SPATA13: variants seen among roughly 807,000 people sequenced by gnomAD.
SPATA13 encodes spermatogenesis-associated protein 13.
SPATA13 carries 50 observed loss-of-function variants against 104.0 expected under a neutral mutation model. The ratio of observed to expected loss-of-function variants is 0.48; its 90% confidence interval spans 0.38 to 0.61. The LOEUF (loss-of-function observed/expected upper bound fraction) is 0.61. Among genes scored for constraint, SPATA13 ranks in the 20% least tolerant of loss-of-function variants. The probability of loss-of-function intolerance (pLI) is 0.00; values close to 1 mark genes in which losing one functional copy is unlikely to be tolerated. For missense variants in SPATA13, 1,524 were observed against 1,690.6 expected, an observed-to-expected ratio of 0.90 and a Z score of 1.73; for synonymous variants, 606 against 667.5, an observed-to-expected ratio of 0.91 and a Z score of 1.42.
intron 3 of SPATA13, among the ~76,000 whole-genome samples, chr13:24,038,192 C>T (rs542436060): frequency 3.3e-5 from 5 of 152,304 alleles, no homozygotes; most frequent in Non-Finnish European, 4.4e-5. Flanking sequence ...GGATTACAGG[C>T]ATGAGCCACC....
At chr13:24,293,013 A>AAG (rs1309047663) in intron 9 of SPATA13, among the ~76,000 whole-genome samples, 2 of 149,282 alleles carry the variant, frequency 1.3e-5, no homozygotes, top group East Asian at 3.9e-4. Context: ...AAAAAAAAAA[A>AAG]AAAAAAAAAG....
At chr13:24,005,788 C>T (rs1206892547) in intron 2 of SPATA13, among the ~76,000 whole-genome samples, 1 of 152,218 alleles carries the variant, frequency 6.6e-6, no homozygotes, top group East Asian at 1.9e-4. Flanking sequence ...ATCTGAGGCT[C>T]AGCAAGATGC....
At chr13:24,284,341 C>G in intron 5 of SPATA13, 70 bp downstream of exon 5, 1 of 1,499,606 alleles carries the variant, frequency 6.7e-7, no homozygotes, top group Non-Finnish European at 9.1e-7. Flanking sequence ...CCACTTCTGA[C>G]TTTGTTCCCT....
chr13:24,178,149 C>T (rs1001510597), intron 1 of SPATA13, among the ~76,000 whole-genome samples: 15 of 152,172 alleles, frequency 9.9e-5, no homozygotes, highest in African/African-American at 2.7e-4. Flanking sequence ...CCACCATACC[C>T]GGCTTGATTG....
chr13:24,251,926 C>T (rs1009156106), intron 4 of SPATA13, 64 bp downstream of exon 4: 28 of 1,547,374 alleles, frequency 1.8e-5, no homozygotes, highest in Admixed American at 1.5e-4. Flanking sequence ...TTCCAGCTAA[C>T]CTGAGGCAGC....
At chr13:24,167,473 A>C (rs1302627360) in intron 1 of SPATA13, among the ~76,000 whole-genome samples, 1 of 152,248 alleles carries the variant, frequency 6.6e-6, no homozygotes, top group Non-Finnish European at 1.5e-5. Context: ...CGGGGCCCAC[A>C]GGCCAGCCTC....
chr13:24,169,253 C>T (rs914727121), intron 1 of SPATA13, among the ~76,000 whole-genome samples: 9 of 152,104 alleles, frequency 5.9e-5, no homozygotes, highest in African/African-American at 1.9e-4. Flanking sequence ...TGATGGAACA[C>T]GAATGGTGTG....
intron 4 of SPATA13, among the ~76,000 whole-genome samples, chr13:24,278,314 G>A (rs1875169500): frequency 6.6e-6 from 1 of 152,124 alleles, no homozygotes; most frequent in Admixed American, 6.5e-5. Context: ...CTGCAAGTGG[G>A]GACAACTGAC....
At chr13:24,113,859 A>T (rs60365334) in intron 3 of SPATA13, among the ~76,000 whole-genome samples, 8,081 of 137,926 alleles carry the variant, frequency 0.059, 837 homozygotes, top group African/African-American at 0.21. Flanking sequence ...ACAGAGTGAG[A>T]CTCGATCTCA....
Position 24,001,318 on chromosome 13 carries a change from G to A in SPATA13, c.-146-16349G>A, listed in dbSNP as rs191051104. ...GACGCCTCTGCGCTAAGGTCAGGAT[G>A]CCGGGGATAATGTGTCTCGTGGGAA... On this transcript the variant is annotated intron_variant, in intron 2 of 14. Transcript: ENST00000424834. Among the ~76,000 whole-genome samples, 291 of 152,304 alleles carry A rather than the reference G, an allele frequency of 1.9e-3. 3 individuals are homozygous for A. Among genetic ancestry groups the A allele is most frequent in the African/African-American group, 6.5e-3 (270 of 41,560 alleles).
In SPATA13 at chr13:24,302,855, G is replaced by A. The variant is rs768137760; in HGVS notation, c.*82G>A. ...TCTTGTGTGCTTCAATCCAGGGAAA[G>A]TTTCTTGGACCCAGTGATAAAAACT... On this transcript the variant is annotated 3_prime_UTR_variant, in exon 13 of 13. Coordinates refer to ENST00000382108, the MANE Select transcript of SPATA13 (RefSeq NM_001166271.3). 10 of 1,578,898 alleles carry A rather than the reference G, an allele frequency of 6.3e-6. No individual in the cohort carries two copies. The highest frequency in any genetic ancestry group is 1.7e-5 in the Admixed American group (1 of 59,424).
intron 3 of SPATA13, among the ~76,000 whole-genome samples, chr13:24,071,922 T>C (rs1879175522): frequency 6.6e-6 from 1 of 152,198 alleles, no homozygotes; most frequent in Non-Finnish European, 1.5e-5. Flanking sequence ...CAGCTAGAGC[T>C]CTTAAGAATT....
chr13:23,993,986 C>T (rs73162125), intron 2 of SPATA13, among the ~76,000 whole-genome samples: 11,804 of 121,490 alleles, frequency 0.097, 546 homozygotes, highest in Middle Eastern at 0.17. Flanking sequence ...TTTTTTTTTT[C>T]TTTTTTTTTT....
chr13:24,193,807 T>A (rs1869902330), intron 1 of SPATA13, among the ~76,000 whole-genome samples: 1 of 152,202 alleles, frequency 6.6e-6, no homozygotes, highest in South Asian at 2.1e-4. Flanking sequence ...GTTGGCTGAA[T>A]CCTGCTACAT....
chr13:24,284,819 C>G (rs533588348), intron 5 of SPATA13, among the ~76,000 whole-genome samples: 1 of 152,202 alleles, frequency 6.6e-6, no homozygotes, highest in South Asian at 2.1e-4. Flanking sequence ...TAAAGAATAC[C>G]CTCCCCTCCA....
chr13:24,299,036 G>A (rs1876993314), intron 11 of SPATA13, among the ~76,000 whole-genome samples: 1 of 152,150 alleles, frequency 6.6e-6, no homozygotes, highest in Admixed American at 6.5e-5. Context: ...AGACTCTGGG[G>A]CCCCATTGGA....
chr13:24,098,097 A>G (rs976313517), intron 3 of SPATA13, among the ~76,000 whole-genome samples: 4 of 152,206 alleles, frequency 2.6e-5, no homozygotes, highest in Admixed American at 6.5e-5. Flanking sequence ...GAGAAAAACA[A>G]ATGAAAGTTA....
In SPATA13 at chr13:24,069,042, A is replaced by G. The variant is rs192482615; in HGVS notation, c.-112+51341A>G. ...GCCCTGTAGTATATTCTTGCGTAGT[A>G]TAGTCAGGTAGCGTATACCTCCACT... On this transcript the variant is annotated intron_variant, in intron 3 of 14. Coordinates refer to the SPATA13 transcript ENST00000424834. 4.9e-4 allele frequency among the ~76,000 whole-genome samples: 75 copies of G among 152,230 alleles called. 1 individual carries two copies. The East Asian group carries it at 9.8e-3, about 20-fold the overall frequency.
At chr13:23,982,566 GA>G (rs1874951728) in intron 1 of SPATA13, among the ~76,000 whole-genome samples, 1 of 151,972 alleles carries the variant, frequency 6.6e-6, no homozygotes, top group African/African-American at 2.4e-5. Context: ...CTTATTTGCT[GA>G]TTTTTTTTTC....
Sources: allele counts gnomAD v4.1 joint callset (sites outside exome capture counted in the v4.1 genomes callset), GRCh38; gene constraint gnomAD v4.1.1; transcripts MANE v1.5; gene names NCBI Gene and HGNC (gene_info 2026-07-23, HGNC 2026-07-21).